LEKR1: variants seen among roughly 807,000 people sequenced by gnomAD.
LEKR1 encodes protein LEKR1.
Under a neutral mutation model 72.4 loss-of-function variants are expected in LEKR1, and 59 were observed. The observed-to-expected ratio is 0.82, with a 90% confidence interval of 0.66 to 1.01. LEKR1 has a LOEUF of 1.01. LEKR1 is among the 50% of genes least tolerant of loss of function. The pLI is 0.00. For synonymous variants in LEKR1, 257 were observed against 263.2 expected, an observed-to-expected ratio of 0.98 and a Z score of 0.23; for missense variants, 728 against 759.2, an observed-to-expected ratio of 0.96 and a Z score of 0.48.
At chr3:156,910,060 T>G (rs1722958135) in intron 3 of LEKR1, among the ~76,000 whole-genome samples, 1 of 152,176 alleles carries the variant, frequency 6.6e-6, no homozygotes, top group Non-Finnish European at 1.5e-5. Flanking sequence ...ATAAGAGAAG[T>G]CCTTGCCAAG....
At chr3:156,896,811 AG>A (rs1488308643) in intron 3 of LEKR1, among the ~76,000 whole-genome samples, 1 of 152,220 alleles carries the variant, frequency 6.6e-6, no homozygotes, top group Non-Finnish European at 1.5e-5. Flanking sequence ...GCCCATCAGC[AG>A]TGGAATGCAT....
intron 3 of LEKR1, among the ~76,000 whole-genome samples, chr3:156,857,858 A>G (rs1716263077): frequency 6.6e-6 from 1 of 152,238 alleles, no homozygotes; most frequent in Non-Finnish European, 1.5e-5. Flanking sequence ...TGTGGCATAC[A>G]GACTAGGTTA....
intron 3 of LEKR1, among the ~76,000 whole-genome samples, chr3:156,858,811 T>C (rs1010146361): frequency 6.6e-6 from 1 of 152,228 alleles, no homozygotes; most frequent in Non-Finnish European, 1.5e-5. Context: ...TATTAAGTTT[T>C]CCTGTGGCAA....
intron 4 of LEKR1, among the ~76,000 whole-genome samples, chr3:156,922,267 G>T (rs1314382488): frequency 6.6e-6 from 1 of 151,988 alleles, no homozygotes; most frequent in African/African-American, 2.4e-5. Flanking sequence ...AGTGACTTTT[G>T]TTGCATTACT....
At chr3:156,915,055 G>A (rs929530753) in intron 3 of LEKR1, among the ~76,000 whole-genome samples, 2 of 151,730 alleles carry the variant, frequency 1.3e-5, no homozygotes, top group Non-Finnish European at 2.9e-5. Context: ...CTTTCCTATT[G>A]CTGTGTTAGC....
intron 6 of LEKR1, among the ~76,000 whole-genome samples, chr3:156,950,748 A>C (rs1727083316): frequency 6.6e-6 from 1 of 151,516 alleles, no homozygotes; most frequent in Admixed American, 6.6e-5. Flanking sequence ...CTGTTTATCA[A>C]CTCAAGGAAC....
At chr3:156,985,868 T>TGAAATGGGGAAATTATCCTGGATTATGTG (rs1730634707) in intron 7 of LEKR1, among the ~76,000 whole-genome samples, 2 of 149,870 alleles carry the variant, frequency 1.3e-5, no homozygotes, top group African/African-American at 2.5e-5. Flanking sequence ...AAAAGAATTT[T>TGAAATGGGGAAATTATCCTGGATTATGTG]GAAATGGGGA....
intron 5 of LEKR1, among the ~76,000 whole-genome samples, chr3:156,934,748 C>T (rs1273574957): frequency 6.6e-6 from 1 of 151,974 alleles, no homozygotes; most frequent in Non-Finnish European, 1.5e-5. Context: ...TATCATGACA[C>T]AGAGATAACT....
intron 4 of LEKR1, chr3:156,924,563 C>T (rs1724529355): frequency 3.0e-6 from 2 of 657,046 alleles, no homozygotes; most frequent in Admixed American, 4.6e-5. Context: ...CCTGTATTTT[C>T]TTCTAAGTGT....
intron 12 of LEKR1, among the ~76,000 whole-genome samples, chr3:157,030,104 C>T (rs912672176): frequency 2.6e-5 from 4 of 152,046 alleles, no homozygotes; most frequent in African/African-American, 9.7e-5. Context: ...ACAATCATGG[C>T]GGAAGGTGAA....
intron 3 of LEKR1, among the ~76,000 whole-genome samples, chr3:156,882,520 G>A (rs1719511829): frequency 6.6e-6 from 1 of 152,090 alleles, no homozygotes; most frequent in South Asian, 2.1e-4. Context: ...TGGAGAGGAT[G>A]TGGAGAAATA....
chr3:157,014,292 C>A (rs762544986), intron 10 of LEKR1, among the ~76,000 whole-genome samples: 1 of 151,918 alleles, frequency 6.6e-6, no homozygotes, highest in Non-Finnish European at 1.5e-5. Context: ...TCACTAATGA[C>A]CTCATTTAAA....
At chr3:156,934,001 A>G (rs1345540897) in intron 5 of LEKR1, among the ~76,000 whole-genome samples, 1 of 152,204 alleles carries the variant, frequency 6.6e-6, no homozygotes, top group African/African-American at 2.4e-5. Flanking sequence ...GGGTCTCCCA[A>G]ACAAGTAGCT....
At chr3:156,995,455 C>G (rs79483157) in intron 9 of LEKR1, among the ~76,000 whole-genome samples, 1 of 151,738 alleles carries the variant, frequency 6.6e-6, no homozygotes, top group Admixed American at 6.6e-5. Context: ...TTTCTTTATT[C>G]TCTCTGCTTT....
At chr3:156,972,515 G>GA (rs1729313549) in intron 6 of LEKR1, among the ~76,000 whole-genome samples, 1 of 151,422 alleles carries the variant, frequency 6.6e-6, no homozygotes, top group Non-Finnish European at 1.5e-5. Flanking sequence ...AATAAATAGT[G>GA]AAAAAATAAA....
intron 3 of LEKR1, among the ~76,000 whole-genome samples, chr3:156,889,498 A>G (rs1404292324): frequency 6.6e-6 from 1 of 152,192 alleles, no homozygotes; most frequent in African/African-American, 2.4e-5. Flanking sequence ...CCAACTCTTT[A>G]CCATGCTGAA....
At chr3:157,038,665 C>G (rs1424005224) in intron 12 of LEKR1, among the ~76,000 whole-genome samples, 1 of 152,144 alleles carries the variant, frequency 6.6e-6, no homozygotes, top group Non-Finnish European at 1.5e-5. Context: ...ATCAAGGACT[C>G]TAAAGAAAGA....
At chr3:156,838,508 G>T (rs1354881757) in intron 2 of LEKR1, among the ~76,000 whole-genome samples, 3 of 152,152 alleles carry the variant, frequency 2.0e-5, no homozygotes, top group African/African-American at 7.2e-5. Flanking sequence ...ACCCCCAAAG[G>T]AGCCAAACCA....
chr3:157,030,396 C>A (rs1191175277), intron 12 of LEKR1, among the ~76,000 whole-genome samples: 1 of 152,126 alleles, frequency 6.6e-6, no homozygotes, highest in Non-Finnish European at 1.5e-5. Flanking sequence ...TAGATAGGTA[C>A]TGGTGATGTA....
Sources: allele counts gnomAD v4.1 joint callset (sites outside exome capture counted in the v4.1 genomes callset), GRCh38; gene constraint gnomAD v4.1.1; transcripts MANE v1.5; gene names NCBI Gene and HGNC (gene_info 2026-07-23, HGNC 2026-07-21).